SLC35D1: variants seen among roughly 807,000 people sequenced by gnomAD.
The protein encoded by SLC35D1 is solute carrier family 35 member D1, also known as nucleotide sugar transporter SLC35D1.
SLC35D1 carries 31 observed loss-of-function variants against 46.7 expected under a neutral mutation model. The ratio of observed to expected loss-of-function variants is 0.66; its 90% confidence interval spans 0.50 to 0.90. SLC35D1 has a LOEUF of 0.90. SLC35D1 is among the 40% of genes least tolerant of loss of function. SLC35D1 has a pLI of 0.00. For synonymous variants in SLC35D1, 195 were observed against 164.6 expected, an observed-to-expected ratio of 1.18 and a Z score of -1.41; for missense variants, 397 against 426.2, an observed-to-expected ratio of 0.93 and a Z score of 0.60.
In SLC35D1 at chr1:67,003,853, T is replaced by C. The variant is rs763037187; in HGVS notation, c.*487A>G. Reference sequence around the variant, plus strand: ...TTCCTTGGCAAATGGAATGATGATATGATGAAGACAATGCAATCATAAGAA... The same window carrying C: ...TTCCTTGGCAAATGGAATGATGATACGATGAAGACAATGCAATCATAAGAA... On this transcript the variant is annotated 3_prime_UTR_variant, in exon 12 of 12. Coordinates refer to ENST00000235345, the MANE Select transcript of SLC35D1 (RefSeq NM_015139.3). The C allele has an allele frequency of 6.7e-5, 12 of 179,102 alleles. No individual in the cohort carries two copies. Among genetic ancestry groups the C allele is most frequent in the Middle Eastern group, 2.7e-3 (1 of 368 alleles). The allele number at this position is 179,102 out of a possible 1,614,324, so 11.1% of individuals were successfully genotyped here.
chr1:66,998,254 G>A (rs752895840), downstream of SLC35D1, among the ~76,000 whole-genome samples: 16 of 152,004 alleles, frequency 1.1e-4, no homozygotes, highest in South Asian at 8.3e-4. Context: ...TTTGGGAGTC[G>A]GAGGCAGGTG....
intron 1 of SLC35D1, among the ~76,000 whole-genome samples, chr1:67,053,607 C>A (rs1277999466): frequency 2.0e-5 from 3 of 151,950 alleles, no homozygotes; most frequent in Non-Finnish European, 4.4e-5. Context: ...GAGCTCCGCG[C>A]AGGGAGCGGA....
chr1:66,974,434 TTG>T, the SLC35D1 span, among the ~76,000 whole-genome samples: 7 of 148,452 alleles, frequency 4.7e-5, no homozygotes, highest in African/African-American at 1.8e-4. Flanking sequence ...GGTTTTTTTT[TTG>T]TTGTTGTTGT....
intron 8 of SLC35D1, among the ~76,000 whole-genome samples, 156 bp from the exon 9 acceptor site, chr1:67,021,758 C>CAG (rs1667810585): frequency 6.7e-6 from 1 of 150,038 alleles, no homozygotes; most frequent in Non-Finnish European, 1.5e-5. Flanking sequence ...CACACACACA[C>CAG]AGGTATATGT....
chr1:67,019,350 C>G (rs888969748), intron 10 of SLC35D1, among the ~76,000 whole-genome samples: 1 of 152,168 alleles, frequency 6.6e-6, no homozygotes, highest in Non-Finnish European at 1.5e-5. Flanking sequence ...TCAGCCAGCC[C>G]AATCCCTGGC....
At chr1:67,004,507 T>G in intron 11 of SLC35D1, 59 bp from the exon 12 acceptor site, 1 of 1,458,454 alleles carries the variant, frequency 6.9e-7, no homozygotes, top group South Asian at 1.1e-5. Flanking sequence ...GTGTAAACAC[T>G]CTACTCAGTA....
intron 8 of SLC35D1, among the ~76,000 whole-genome samples, chr1:67,037,091 C>A (rs1668139059): frequency 6.6e-6 from 1 of 152,080 alleles, no homozygotes. Flanking sequence ...ACCTTAATTT[C>A]ATCCCCTCAC....
the SLC35D1 span, among the ~76,000 whole-genome samples, chr1:66,989,705 T>G: frequency 3.3e-5 from 5 of 152,330 alleles, no homozygotes; most frequent in African/African-American, 1.2e-4. Flanking sequence ...GCTCGAGTGA[T>G]CCTCCCGCCT....
intron 8 of SLC35D1, among the ~76,000 whole-genome samples, chr1:67,036,044 A>C (rs985841648): frequency 6.6e-6 from 1 of 152,150 alleles, no homozygotes; most frequent in Admixed American, 6.5e-5. Flanking sequence ...GTCAGAGAAG[A>C]TGCTGGATAT....
chr1:66,989,973 G>C, the SLC35D1 span, among the ~76,000 whole-genome samples: 1 of 152,218 alleles, frequency 6.6e-6, no homozygotes, highest in African/African-American at 2.4e-5. Flanking sequence ...TGCTTTAGCT[G>C]AGTGAACATG....
chr1:67,029,567 T>C (rs1667977830), intron 8 of SLC35D1, among the ~76,000 whole-genome samples: 1 of 152,208 alleles, frequency 6.6e-6, no homozygotes, highest in Non-Finnish European at 1.5e-5. Context: ...TTCCATGCAC[T>C]TAGAAGTGCT....
the SLC35D1 span, chr1:66,981,877 C>T: frequency 1.2e-6 from 2 of 1,614,052 alleles, no homozygotes; most frequent in East Asian, 2.2e-5. Flanking sequence ...AACAGCCAGT[C>T]TGAGAAAGAA....
At chr1:67,007,268 C>G (rs1414411173) in intron 11 of SLC35D1, among the ~76,000 whole-genome samples, 1 of 152,176 alleles carries the variant, frequency 6.6e-6, no homozygotes, top group Non-Finnish European at 1.5e-5. Context: ...AAGATCAAGG[C>G]AGGTTCAATG....
downstream of SLC35D1, among the ~76,000 whole-genome samples, chr1:66,998,801 AACATAAAGAATGGTGGTTATCGATG>A (rs1186759445): frequency 6.6e-6 from 1 of 152,210 alleles, no homozygotes; most frequent in Non-Finnish European, 1.5e-5. Flanking sequence ...AATTCATAGA[AACATAAAGAATGGTGGTTATCGATG>A]ACTGAGGTGA....
the SLC35D1 span, among the ~76,000 whole-genome samples, chr1:66,975,016 A>T: frequency 6.6e-6 from 1 of 152,148 alleles, no homozygotes; most frequent in East Asian, 1.9e-4. Context: ...GATTTTTTTT[A>T]AAGTCCTGAT....
Position 67,054,086 on chromosome 1 carries a change from A to T in SLC35D1, c.-73T>A, listed in dbSNP as rs138763359. ...GGCCTGCAGCGGCAGCTCCCAGGGG[A>T]CTCCAGGAGTTGGGGACCGCAGACT... On this transcript the variant is annotated 5_prime_UTR_variant, in exon 1 of 12. Coordinates refer to ENST00000235345, the MANE Select transcript of SLC35D1 (RefSeq NM_015139.3). 1.4e-4 allele frequency: 217 copies of T among 1,502,232 alleles called. 1 individual carries two copies. Among genetic ancestry groups the T allele is most frequent in the Non-Finnish European group, 1.9e-4 (207 of 1,098,014 alleles). 93.1% of individuals were successfully genotyped at this position (1,502,232 alleles called of 1,614,324 possible).
chr1:66,979,724 A>G, the SLC35D1 span, among the ~76,000 whole-genome samples: 1 of 152,048 alleles, frequency 6.6e-6, no homozygotes, highest in Non-Finnish European at 1.5e-5. Flanking sequence ...CAGAAATTAA[A>G]AATAATTTTG....
the SLC35D1 span, chr1:66,985,411 C>G: frequency 2.0e-6 from 2 of 982,874 alleles, no homozygotes; most frequent in Non-Finnish European, 1.2e-6. Flanking sequence ...GAAACCCTTA[C>G]GAATCCTGAA....
the SLC35D1 span, chr1:66,986,596 T>G: frequency 1.3e-6 from 1 of 790,440 alleles, no homozygotes; most frequent in Non-Finnish European, 2.1e-6. Context: ...ATGTTCGGAC[T>G]GCTTCCCTTC....
Sources: gnomAD v4.1 joint callset for allele counts (sites outside exome capture counted in the v4.1 genomes callset) on GRCh38, gnomAD v4.1.1 for gene constraint, MANE v1.5 for transcripts, NCBI Gene and HGNC (gene_info 2026-07-23, HGNC 2026-07-21) for gene names.